RYR3: variants seen among roughly 807,000 people sequenced by gnomAD.
The protein encoded by RYR3 is brain ryanodine receptor-calcium release channel.
A neutral mutation model predicts 584.3 loss-of-function variants in RYR3; 207 were observed. That is an observed-to-expected ratio of 0.35 (90% CI 0.32 to 0.40). The LOEUF is 0.40. Ranked by LOEUF, RYR3 falls within the 10% of genes least tolerant of loss-of-function variation. RYR3 has a pLI of 1.00. For missense variants in RYR3, 5,616 were observed against 6,089.2 expected (o/e 0.92, Z 2.59); for synonymous variants, 2,416 against 2,248.5 (o/e 1.07, Z -2.11).
chr15:33,750,297 T>G lies in RYR3; in HGVS notation c.8399+11T>G. The G allele has an allele frequency of 1.9e-6, 3 of 1,609,682 alleles. No individual in the cohort carries two copies. The highest frequency in any genetic ancestry group is 2.5e-6 in the Non-Finnish European group (3 of 1,177,848). Reference sequence around the variant, plus strand: ...CATCATAGTTTCCAGGTAAGTCACCTTCCATGTGATGCTAGTGGGACAGGG... The same window carrying G: ...CATCATAGTTTCCAGGTAAGTCACCGTCCATGTGATGCTAGTGGGACAGGG... On this transcript the variant is annotated intron_variant, in intron 57 of 103. Transcript: ENST00000634891.
rs190715341 is a variant in RYR3, at chr15:33,632,515, C to G, written c.2868-434C>G. The stretch of plus-strand genomic sequence containing the variant: ...TAAAAGTTTAGCCTTTACTTTTTGA[C>G]TGAGTGATTATTCTGTGCTGATTTA... On this transcript the variant is annotated intron_variant, in intron 23 of 103. Coordinates refer to ENST00000634891, the MANE Select transcript of RYR3 (RefSeq NM_001036.6). Among the ~76,000 whole-genome samples the G allele has an allele frequency of 1.6e-3, 241 of 152,236 alleles. 1 individual carries two copies. Among genetic ancestry groups the G allele is most frequent in the Admixed American group, 5.1e-3 (78 of 15,290 alleles).
chr15:33,483,729 A>C (rs575907443), intron 2 of RYR3, among the ~76,000 whole-genome samples: 1 of 152,184 alleles, frequency 6.6e-6, no homozygotes, highest in Non-Finnish European at 1.5e-5. Flanking sequence ...TATATAGCTT[A>C]TGAGTTGGCA....
intron 1 of RYR3, among the ~76,000 whole-genome samples, chr15:33,420,078 A>G (rs2044127303): frequency 6.6e-6 from 1 of 152,216 alleles, no homozygotes; most frequent in South Asian, 2.1e-4. Context: ...ACAGAGATGC[A>G]ACCTATAATT....
Position 33,755,636 on chromosome 15 carries a change from C to A in RYR3, c.8515+456C>A, listed in dbSNP as rs553850128. Among the ~76,000 whole-genome samples, 19 of 152,136 alleles carry A rather than the reference C, an allele frequency of 1.2e-4. No individual in the cohort carries two copies. In the South Asian group the frequency reaches 3.9e-3, roughly 32 times the overall value. On this transcript the variant is annotated intron_variant, in intron 58 of 103. Coordinates refer to ENST00000634891, the MANE Select transcript of RYR3 (RefSeq NM_001036.6). ...ATCTCAAAACAAACAAACAAACAAA[C>A]AAAAACTCCTTAGTTTTTATAGTGG...
chr15:33,534,112 A>G (rs2055114529), intron 5 of RYR3, among the ~76,000 whole-genome samples: 1 of 152,356 alleles, frequency 6.6e-6, no homozygotes, highest in South Asian at 2.1e-4. Flanking sequence ...AAAGGGTAGT[A>G]AAAATGGGCC....
At position 33,728,946 on chromosome 15, in the gene RYR3, A is replaced by T; in HGVS notation, c.7123A>T (p.Ile2375Phe). ...GCTGTTCTTGGACCGCGTTTATGGC[A>T]TTAAGGATCAAACTTTTCTGCTCCA... is the stretch of plus-strand genomic sequence containing the variant. ...MVLFLDRVYG[I>F]KDQTFLLHLL... The change falls in exon 47 of 104, where the codon ATT becomes TTT. Residue 2375 changes from isoleucine (I) to phenylalanine (F), a missense_variant. Ile to Phe is a conservative substitution (Grantham distance 21). This residue lies in a region of RYR3 where 1,280 missense variants were observed against 1,426.2 expected (regional missense o/e 0.90). Transcript: ENST00000634891. 6.2e-7 allele frequency: 1 copy of T among 1,613,958 alleles called. No individual in the cohort carries two copies. The highest frequency in any genetic ancestry group is 8.5e-7 in the Non-Finnish European group (1 of 1,179,856).
intron 95 of RYR3, 116 bp from the exon 96 acceptor site, chr15:33,853,439 T>C: frequency 7.7e-7 from 1 of 1,300,782 alleles, no homozygotes; most frequent in Non-Finnish European, 1.0e-6. Flanking sequence ...GAACTATGTC[T>C]TCATCTACCC....
At chr15:33,675,451 C>T (rs1235394767) in intron 38 of RYR3, among the ~76,000 whole-genome samples, 1 of 152,202 alleles carries the variant, frequency 6.6e-6, no homozygotes, top group Non-Finnish European at 1.5e-5. Context: ...CCCCTATAGG[C>T]AATGGCTGTG....
intron 3 of RYR3, among the ~76,000 whole-genome samples, chr15:33,520,986 A>G (rs1454824101): frequency 1.3e-5 from 2 of 152,176 alleles, no homozygotes; most frequent in African/African-American, 2.4e-5. Context: ...AGAAATCTAC[A>G]TCGATTCTCA....
At chr15:33,320,399 G>A (rs1968805684) in intron 1 of RYR3, among the ~76,000 whole-genome samples, 1 of 152,074 alleles carries the variant, frequency 6.6e-6, no homozygotes, top group African/African-American at 2.4e-5. Flanking sequence ...AAGAAAGCAG[G>A]GTGTGCATTC....
intron 1 of RYR3, among the ~76,000 whole-genome samples, chr15:33,347,188 A>T (rs1303309475): frequency 6.6e-6 from 1 of 152,128 alleles, no homozygotes; most frequent in Non-Finnish European, 1.5e-5. Flanking sequence ...TCCCCTTCAG[A>T]GGGAAGTCAC....
At chr15:33,555,940 C>A (rs185903333) in intron 10 of RYR3, among the ~76,000 whole-genome samples, 74 of 152,182 alleles carry the variant, frequency 4.9e-4, no homozygotes, top group Middle Eastern at 3.4e-3. Flanking sequence ...AAGGGCAATA[C>A]GAAGATCTCA....
intron 3 of RYR3, among the ~76,000 whole-genome samples, chr15:33,510,919 G>C (rs2142877287): frequency 6.6e-6 from 1 of 152,236 alleles, no homozygotes; most frequent in East Asian, 1.9e-4. Flanking sequence ...TATTTATGAA[G>C]ATATGTGCAA....
chr15:33,503,775 G>T lies in RYR3; in HGVS notation c.279+37G>T, dbSNP rs1213128104. The stretch of plus-strand genomic sequence containing the variant: ...AATTGTGTCCTAGGTTGGGATTGGG[G>T]TGCACCACATCCCCAAAATACGTTC... On this transcript the variant is annotated intron_variant, in intron 3 of 103. Transcript: ENST00000634891. The T allele has an allele frequency of 2.4e-6, 3 of 1,258,020 alleles. No individual in the cohort carries two copies. In the Admixed American group the frequency reaches 5.6e-5, roughly 23 times the overall value. 77.9% of individuals were successfully genotyped at this position (1,258,020 alleles called of 1,614,324 possible).
intron 3 of RYR3, among the ~76,000 whole-genome samples, chr15:33,518,429 T>C (rs2053702047): frequency 6.6e-6 from 1 of 152,204 alleles, no homozygotes; most frequent in Non-Finnish European, 1.5e-5. Context: ...TTTCAAATTG[T>C]GAACCATACT....
intron 60 of RYR3, among the ~76,000 whole-genome samples, chr15:33,763,604 G>C (rs922961316): frequency 3.3e-5 from 5 of 152,084 alleles, no homozygotes; most frequent in Non-Finnish European, 7.4e-5. Context: ...TGATTAAAAA[G>C]TCGGGAGGGC....
intron 18 of RYR3, among the ~76,000 whole-genome samples, chr15:33,612,711 G>A (rs548281336): frequency 4.8e-4 from 73 of 152,256 alleles, no homozygotes; most frequent in African/African-American, 1.5e-3. Context: ...CTCTTTGATG[G>A]CTTCTCTATT....
chr15:33,372,301 C>T (rs937141261), intron 1 of RYR3, among the ~76,000 whole-genome samples: 1 of 151,936 alleles, frequency 6.6e-6, no homozygotes, highest in African/African-American at 2.4e-5. Flanking sequence ...AAGCAATTCT[C>T]CTGCCTCAGC....
At chr15:33,600,324 C>T (rs1206226963) in intron 16 of RYR3, among the ~76,000 whole-genome samples, 1 of 152,038 alleles carries the variant, frequency 6.6e-6, no homozygotes, top group African/African-American at 2.4e-5. Context: ...CTTTGAAAGA[C>T]TGAAATGAGG....
Sources: gnomAD v4.1 joint callset for allele counts (sites outside exome capture counted in the v4.1 genomes callset) on GRCh38, gnomAD v4.1.1 for gene constraint, gnomAD v4.1.1 regional missense constraint, MANE v1.5 for transcripts, NCBI Gene and HGNC (gene_info 2026-07-23, HGNC 2026-07-21) for gene names.